Variants in TASP1 observed in about 807,000 individuals in gnomAD.
The protein encoded by TASP1 is taspase 1.
Under a neutral mutation model 56.6 loss-of-function variants are expected in TASP1, and 16 were observed. The ratio of observed to expected loss-of-function variants is 0.28; its 90% confidence interval spans 0.19 to 0.43. The LOEUF (loss-of-function observed/expected upper bound fraction) is 0.43. Ranked by LOEUF, TASP1 falls within the 20% of genes least tolerant of loss-of-function variation. The probability of loss-of-function intolerance (pLI) is 1.00; values close to 1 mark genes in which losing one functional copy is unlikely to be tolerated. For missense variants in TASP1, 393 were observed against 511.6 expected (o/e 0.77, Z 2.24); for synonymous variants, 179 against 184.2 (o/e 0.97, Z 0.23).
At chr20:13,438,193 C>T (rs2043079955) in intron 11 of TASP1, among the ~76,000 whole-genome samples, 3 of 152,278 alleles carry the variant, frequency 2.0e-5, no homozygotes, top group Admixed American at 2.0e-4. Context: ...GCCCGCATTG[C>T]CAAGTCAATC....
the TASP1 span, among the ~76,000 whole-genome samples, chr20:13,116,248 ATAAT>A: frequency 6.6e-6 from 1 of 152,200 alleles, no homozygotes; most frequent in Non-Finnish European, 1.5e-5. Flanking sequence ...AATCTAATAA[ATAAT>A]TAGGGGAAAA....
At chr20:13,621,944 C>T (rs1254725993) in intron 4 of TASP1, among the ~76,000 whole-genome samples, 1 of 152,178 alleles carries the variant, frequency 6.6e-6, no homozygotes, top group African/African-American at 2.4e-5. Context: ...ATGAAGCCCT[C>T]TTTGTGTGTC....
At chr20:13,540,291 C>T (rs1001091822) in intron 8 of TASP1, among the ~76,000 whole-genome samples, 1 of 152,064 alleles carries the variant, frequency 6.6e-6, no homozygotes. Flanking sequence ...ACTTATTTGT[C>T]TGAAATGAAT....
chr20:13,390,501 C>G (rs769592972), intron 13 of TASP1, 49 bp from the exon 14 acceptor site: 1 of 1,547,502 alleles, frequency 6.5e-7, no homozygotes, highest in Non-Finnish European at 8.9e-7. Context: ...AGCGGTGTCC[C>G]TTGCCACACC....
At chr20:13,288,705 G>T in the TASP1 span, 8 of 1,596,538 alleles carry the variant, frequency 5.0e-6, no homozygotes, top group Non-Finnish European at 6.9e-6. Flanking sequence ...TGAGTGTGTA[G>T]CTCCAAGTTC....
chr20:13,274,304 C>T, the TASP1 span, among the ~76,000 whole-genome samples: 1 of 152,292 alleles, frequency 6.6e-6, no homozygotes, highest in East Asian at 1.9e-4. Context: ...GCCGATTCAG[C>T]CCAGCAGACA....
intron 4 of TASP1, among the ~76,000 whole-genome samples, chr20:13,606,049 C>T (rs1378822826): frequency 6.6e-6 from 1 of 152,090 alleles, no homozygotes; most frequent in Non-Finnish European, 1.5e-5. Flanking sequence ...ATCTATTATT[C>T]ATTCATTCCT....
chr20:13,538,917 T>C (rs573258860), intron 8 of TASP1, among the ~76,000 whole-genome samples: 1 of 150,756 alleles, frequency 6.6e-6, no homozygotes, highest in East Asian at 1.9e-4. Context: ...GGCATGGTGG[T>C]GTGCACCTGT....
intron 6 of TASP1, among the ~76,000 whole-genome samples, chr20:13,576,590 G>A (rs903978026): frequency 1.3e-5 from 2 of 152,010 alleles, no homozygotes; most frequent in Non-Finnish European, 2.9e-5. Context: ...TATAATAAAA[G>A]CTGTGCAAGA....
the TASP1 span, among the ~76,000 whole-genome samples, chr20:13,293,620 C>T: frequency 5.3e-5 from 8 of 151,818 alleles, no homozygotes; most frequent in Admixed American, 3.3e-4. Flanking sequence ...GAACAAGTCT[C>T]GAATAAAAGG....
chr20:13,609,201 T>C (rs1209426678), intron 4 of TASP1, among the ~76,000 whole-genome samples: 1 of 152,124 alleles, frequency 6.6e-6, no homozygotes, highest in African/African-American at 2.4e-5. Context: ...ATATCCAATA[T>C]CATGATCATC....
the TASP1 span, among the ~76,000 whole-genome samples, chr20:13,138,915 T>G: frequency 6.6e-6 from 1 of 152,338 alleles, no homozygotes; most frequent in African/African-American, 2.4e-5. Context: ...TAGTTGAATC[T>G]CTCACTTAAA....
intron 7 of TASP1, among the ~76,000 whole-genome samples, chr20:13,567,831 G>A (rs1048913656): frequency 6.6e-6 from 1 of 152,170 alleles, no homozygotes; most frequent in Admixed American, 6.5e-5. Flanking sequence ...CTGGAGAGAG[G>A]CGAAGGAGAT....
At chr20:13,342,881 C>A in the TASP1 span, among the ~76,000 whole-genome samples, 1 of 152,110 alleles carries the variant, frequency 6.6e-6, no homozygotes, top group Non-Finnish European at 1.5e-5. Flanking sequence ...TCACTTCTCA[C>A]CCCTTCCAAA....
chr20:13,497,318 A>G (rs1297136022), intron 10 of TASP1, among the ~76,000 whole-genome samples: 1 of 152,220 alleles, frequency 6.6e-6, no homozygotes, highest in Non-Finnish European at 1.5e-5. Context: ...AGTAAAAAAG[A>G]GCTGAAAGAA....
chr20:13,521,391 T>C (rs2146803765), intron 10 of TASP1, among the ~76,000 whole-genome samples: 3 of 152,144 alleles, frequency 2.0e-5, no homozygotes, highest in Middle Eastern at 6.8e-3. Context: ...CCAACAATGA[T>C]AGACTGGATT....
At position 13,569,517 on chromosome 20, in the gene TASP1, G is replaced by A. The variant is rs2046644014; in HGVS notation, c.558C>T (p.Ile186=). 4 of 1,612,006 alleles carry A rather than the reference G, an allele frequency of 2.5e-6. No homozygotes were observed. Among genetic ancestry groups the A allele is most frequent in the Non-Finnish European group, 3.4e-6 (4 of 1,179,282 alleles). ...TAAGTTTTTACTCACTTGTGGTCAT[G>A]ATGTTAGGAGGGCAAGAGGGTATTC... ...DHGIPSCPPN[I]MTTRFSLAAF... The change falls in exon 7 of 14, where the codon ATC becomes ATT. Residue 186 remains isoleucine, a synonymous_variant. Coordinates refer to ENST00000337743, the MANE Select transcript of TASP1 (RefSeq NM_017714.3).
intron 4 of TASP1, among the ~76,000 whole-genome samples, chr20:13,616,345 A>G (rs111646488): frequency 5.2e-4 from 79 of 152,320 alleles, no homozygotes; most frequent in African/African-American, 1.8e-3. Flanking sequence ...ACTCCCAGAG[A>G]AAAACAAGGG....
the TASP1 span, among the ~76,000 whole-genome samples, chr20:13,212,134 T>G: frequency 6.6e-6 from 1 of 152,198 alleles, no homozygotes; most frequent in East Asian, 1.9e-4. Context: ...ATTTCCCAAC[T>G]GTTCTTGCAG....
Sources: gnomAD v4.1 joint callset for allele counts (sites outside exome capture counted in the v4.1 genomes callset) on GRCh38, gnomAD v4.1.1 for gene constraint, MANE v1.5 for transcripts, NCBI Gene and HGNC (gene_info 2026-07-23, HGNC 2026-07-21) for gene names.